RCC1: variants seen among roughly 807,000 people sequenced by gnomAD.
RCC1 encodes the protein regulator of chromosome condensation.
RCC1 carries 11 observed loss-of-function variants against 44.4 expected under a neutral mutation model. The observed-to-expected ratio is 0.25, with a 90% CI of 0.16 to 0.41. The LOEUF (loss-of-function observed/expected upper bound fraction) is 0.41, where lower values mean the gene tolerates loss of function less well. RCC1 is among the 10% of genes least tolerant of loss of function. The probability of loss-of-function intolerance (pLI) is 1.00; values close to 1 mark genes in which losing one functional copy is unlikely to be tolerated. For synonymous variants in RCC1, 213 were observed against 216.5 expected (o/e 0.98, Z 0.14); for missense variants, 386 against 547.1 (o/e 0.71, Z 2.94).
chr1:28,535,840 T>G (rs781741456), intron 9 of RCC1, 31 bp from the exon 10 acceptor site: 2 of 1,601,042 alleles, frequency 1.2e-6, no homozygotes, highest in African/African-American at 2.7e-5. Context: ...TGTCTGTCTG[T>G]CACTGACCGT....
rs768342471 is a variant in RCC1 at position 28,508,884 on chromosome 1, CT to C, written c.-171del. 7.7e-6 allele frequency: 4 copies of C among 516,986 alleles called. No individual in the cohort carries two copies. The highest frequency in any genetic ancestry group is 3.2e-4 in the Middle Eastern group (1 of 3,134). 32.0% of individuals were successfully genotyped at this position (516,986 alleles called of 1,614,324 possible). A position where few individuals can be genotyped will look rare whatever the true frequency, so the allele number is the denominator to read the frequency against. On this transcript the variant is annotated 5_prime_UTR_variant, in exon 3 of 13. Coordinates refer to ENST00000683442, the MANE Select transcript of RCC1 (RefSeq NM_001381865.2). ...GGCATTGACATTTAATTTTAGGGTCCTTTATATAGAAGGGAGAGTAGGTAAA... is the reference window on the plus strand; with the variant it reads ...GGCATTGACATTTAATTTTAGGGTCCTTATATAGAAGGGAGAGTAGGTAAA...
chr1:28,528,016 A>AG (rs1663793968), intron 4 of RCC1, among the ~76,000 whole-genome samples: 1 of 150,552 alleles, frequency 6.6e-6, no homozygotes, highest in South Asian at 2.1e-4. Flanking sequence ...CTTCAAAAAA[A>AG]AAAAAAAAAA....
At chr1:28,514,456 A>AG (rs1249400880) in intron 3 of RCC1, among the ~76,000 whole-genome samples, 1 of 150,844 alleles carries the variant, frequency 6.6e-6, no homozygotes, top group Non-Finnish European at 1.5e-5. Flanking sequence ...TCTCAAAAAA[A>AG]AAACAAAAAA....
intron 1 of RCC1, chr1:28,506,622 C>G (rs1661960378): frequency 1.1e-5 from 2 of 182,184 alleles, no homozygotes; most frequent in South Asian, 1.7e-4. Flanking sequence ...CCCGACCCAG[C>G]GAGCCTCTGA....
At chr1:28,518,330 C>T (rs1312480009) in intron 4 of RCC1, 1 of 152,228 alleles carries the variant, frequency 6.6e-6, no homozygotes, top group Non-Finnish European at 1.5e-5. Flanking sequence ...CTGGGACGCG[C>T]GGAGGGTCCG....
intron 3 of RCC1, among the ~76,000 whole-genome samples, chr1:28,512,974 A>C (rs1000045900): frequency 6.6e-6 from 1 of 150,748 alleles, no homozygotes; most frequent in African/African-American, 2.5e-5. Context: ...TTTTGTAGAG[A>C]TGGGGTTTCA....
intron 9 of RCC1, chr1:28,535,613 G>A (rs763083605): frequency 1.3e-6 from 1 of 778,588 alleles, no homozygotes; most frequent in South Asian, 1.5e-5. Context: ...TCATTAGGTT[G>A]CTGTGAAGTT....
chr1:28,528,093 G>A (rs1663803929), intron 4 of RCC1, among the ~76,000 whole-genome samples: 1 of 152,158 alleles, frequency 6.6e-6, no homozygotes, highest in Non-Finnish European at 1.5e-5. Context: ...GCTGAGGCAG[G>A]TGGATTACTT....
At chr1:28,532,139 A>G in intron 6 of RCC1, 32 bp from the exon 7 acceptor site, 1 of 1,604,402 alleles carries the variant, frequency 6.2e-7, no homozygotes, top group Non-Finnish European at 8.5e-7. Context: ...GCGAGGCCAG[A>G]CGTTGCATTA....
intron 3 of RCC1, chr1:28,509,592 T>A (rs1662342422): frequency 6.6e-6 from 1 of 152,296 alleles, no homozygotes; most frequent in African/African-American, 2.4e-5. Flanking sequence ...TTGCCTAATC[T>A]GCTATGTTAA....
chr1:28,517,121 C>CAA (rs796542591), intron 4 of RCC1, among the ~76,000 whole-genome samples: 15 of 136,156 alleles, frequency 1.1e-4, no homozygotes, highest in African/African-American at 4.0e-4. Context: ...GACTCGATCT[C>CAA]AAAAAAAAAA....
intron 3 of RCC1, chr1:28,509,474 CGT>C (rs1294487321): frequency 1.3e-5 from 2 of 153,630 alleles, no homozygotes. Flanking sequence ...CTCCTGACCT[CGT>C]GATCCGCCCA....
chr1:28,520,174 A>G (rs984595191), intron 4 of RCC1, among the ~76,000 whole-genome samples: 3 of 152,188 alleles, frequency 2.0e-5, no homozygotes, highest in Admixed American at 6.5e-5. Flanking sequence ...CCAAATGTAT[A>G]TTGTTGACAC....
chr1:28,537,002 T>C, intron 12 of RCC1, 103 bp downstream of exon 12: 1 of 1,305,926 alleles, frequency 7.7e-7, no homozygotes, highest in East Asian at 2.3e-5. Flanking sequence ...GGAGCCGAGG[T>C]ACAGAGAGCA....
At chr1:28,530,439 G>A in intron 5 of RCC1, 3 of 1,287,082 alleles carry the variant, frequency 2.3e-6, no homozygotes, top group Non-Finnish European at 3.2e-6. Flanking sequence ...GGACCCCGGA[G>A]GGGGACAGGG....
intron 9 of RCC1, 122 bp downstream of exon 9, chr1:28,535,502 G>A: frequency 6.9e-7 from 1 of 1,456,538 alleles, no homozygotes; most frequent in Non-Finnish European, 9.4e-7. Context: ...TGTTGGTTAG[G>A]ACTTTGGAGA....
At position 28,507,383 on chromosome 1, in the gene RCC1, G is replaced by T. The variant is rs773195032; in HGVS notation, c.-261-745G>T. Reference sequence around the variant, plus strand: ...CTGATTGTCCAACGTGGATACACCCGGGAGGTCACTCTCCCCGGGCTCTGT... The same window carrying T: ...CTGATTGTCCAACGTGGATACACCCTGGAGGTCACTCTCCCCGGGCTCTGT... On this transcript the variant is annotated intron_variant, in intron 1 of 12. Transcript: ENST00000683442. 1.2e-5 allele frequency: 6 copies of T among 518,968 alleles called. No homozygotes were observed. In the East Asian group the frequency reaches 3.3e-4, roughly 28 times the overall value. The allele number at this position is 518,968 out of a possible 1,614,324, so 32.1% of individuals were successfully genotyped here.
In RCC1 at chr1:28,536,112, C is replaced by T. The variant is rs1320195674; in HGVS notation, c.817+86C>T. 17 of 1,541,738 alleles carry T rather than the reference C, an allele frequency of 1.1e-5. No individual in the cohort carries two copies. The highest frequency in any genetic ancestry group is 5.0e-5 in the South Asian group (4 of 79,946). On this transcript the variant is annotated intron_variant, in intron 10 of 12. Transcript: ENST00000683442. This position sits in a 1 kb window ranked among gnomAD's most constrained non-coding sequence, Gnocchi z 4.9. ...CCACTCATTCATTGTGCATCCTTTGCGGGGTCGTCTAACCCCTCCAAGCCA... is the reference window on the plus strand; with the variant it reads ...CCACTCATTCATTGTGCATCCTTTGTGGGGTCGTCTAACCCCTCCAAGCCA...
At chr1:28,520,665 C>T (rs1052724527) in intron 4 of RCC1, among the ~76,000 whole-genome samples, 1 of 152,170 alleles carries the variant, frequency 6.6e-6, no homozygotes, top group Non-Finnish European at 1.5e-5. Context: ...TCACTCTTCT[C>T]CCAGAGACTG....
Sources: allele counts gnomAD v4.1 joint callset (sites outside exome capture counted in the v4.1 genomes callset), GRCh38; gene constraint gnomAD v4.1.1; non-coding constraint Gnocchi (gnomAD v3.1); transcripts MANE v1.5; gene names NCBI Gene and HGNC (gene_info 2026-07-23, HGNC 2026-07-21).